The following MYH14 variants were observed in gnomAD, a reference collection of about 807,000 sequenced individuals.
MYH14 encodes myosin heavy chain 14.
In MYH14, 123 loss-of-function variants were observed where a neutral mutation model predicts 255.5. The observed-to-expected ratio is 0.48, with a 90% CI of 0.42 to 0.56. The LOEUF is 0.56. MYH14 is among the 20% of genes least tolerant of loss of function. MYH14 has a pLI of 0.00. For missense variants in MYH14, 2,423 were observed against 2,802.3 expected (o/e 0.86, Z 3.06); for synonymous variants, 1,095 against 1,161.2 (o/e 0.94, Z 1.16).
intron 8 of MYH14, among the ~76,000 whole-genome samples, chr19:50,229,307 C>T (rs1405896792): frequency 1.3e-5 from 2 of 152,130 alleles, no homozygotes; most frequent in Non-Finnish European, 2.9e-5. Context: ...ATGAGGGACA[C>T]AGAGGGGTTA....
At chr19:50,306,028 C>T (rs1371547399) in intron 40 of MYH14, among the ~76,000 whole-genome samples, 3 of 152,298 alleles carry the variant, frequency 2.0e-5, no homozygotes, top group Non-Finnish European at 2.9e-5. Flanking sequence ...CCTGTAATCC[C>T]AGCACTTTGG....
chr19:50,289,705 G>A, intron 35 of MYH14, 57 bp downstream of exon 35: 1 of 1,498,464 alleles, frequency 6.7e-7, no homozygotes, highest in Non-Finnish European at 9.0e-7. Context: ...GCCATGGTGT[G>A]TACAGGCAGC....
At chr19:50,286,357 G>A (rs2035887017) in intron 33 of MYH14, 125 bp from the exon 34 acceptor site, 4 of 959,800 alleles carry the variant, frequency 4.2e-6, no homozygotes, top group African/African-American at 1.7e-5. Flanking sequence ...TCCCTCTTGT[G>A]TCTCTGCCTT....
chr19:50,230,928 C>G lies in MYH14; in HGVS notation c.973+305C>G, dbSNP rs1448211553. 1 of 383,804 alleles carries G rather than the reference C, an allele frequency of 2.6e-6. No individual in the cohort carries two copies. The highest frequency in any genetic ancestry group is 3.2e-5 in the South Asian group (1 of 31,410). 23.8% of individuals were successfully genotyped at this position (383,804 alleles called of 1,614,324 possible). On this transcript the variant is annotated intron_variant, in intron 9 of 42. Transcript: ENST00000642316. The surrounding 1 kb of genome is among the most constrained non-coding windows in gnomAD (Gnocchi z 4.7). ...TTCCGAAGCTCCGTGGCTTCTCTCT[C>G]GCGCGGCTTCTCCTCACTCCGGCGG...
intron 17 of MYH14, 44 bp from the exon 18 acceptor site, chr19:50,257,255 G>T: frequency 6.5e-7 from 1 of 1,528,186 alleles, no homozygotes; most frequent in South Asian, 1.2e-5. Context: ...CCCTAAAACT[G>T]ACCCTGACCT....
In MYH14 at chr19:50,215,278, G is replaced by A. The variant is rs547233851; in HGVS notation, c.406-2337G>A. 6.6e-5 allele frequency among the ~76,000 whole-genome samples: 10 copies of A among 152,282 alleles called. No homozygotes were observed. The East Asian group carries it at 7.8e-4, about 12-fold the overall frequency. On this transcript the variant is annotated intron_variant, in intron 2 of 42. Transcript: ENST00000642316. ...AGCCAGGAGTGGGGGCCGGGGCGCCGGCAGCCATGAGATACCCTCCCAGGG... is the reference window on the plus strand; with the variant it reads ...AGCCAGGAGTGGGGGCCGGGGCGCCAGCAGCCATGAGATACCCTCCCAGGG...
At chr19:50,257,087 A>C (rs1203302762) in intron 17 of MYH14, among the ~76,000 whole-genome samples, 4 of 152,200 alleles carry the variant, frequency 2.6e-5, no homozygotes, top group Admixed American at 6.5e-5. Context: ...TTCAGTTTCT[A>C]AGCTGTGTGA....
chr19:50,247,825 G>C (rs1368933799), intron 12 of MYH14, among the ~76,000 whole-genome samples: 1 of 152,026 alleles, frequency 6.6e-6, no homozygotes, highest in Non-Finnish European at 1.5e-5. Flanking sequence ...CAGCTCTTTG[G>C]GAGGCTGAGG....
intron 15 of MYH14, among the ~76,000 whole-genome samples, chr19:50,251,527 C>CATATATAT (rs1568500513): frequency 2.8e-3 from 63 of 22,202 alleles, no homozygotes; most frequent in African/African-American, 7.8e-3. Flanking sequence ...ACACTACACA[C>CATATATAT]ACACACACAC....
At chr19:50,232,593 C>CAAAAAAA (rs532232129) in intron 10 of MYH14, among the ~76,000 whole-genome samples, 91 of 63,686 alleles carry the variant, frequency 1.4e-3, no homozygotes, top group Non-Finnish European at 1.7e-3. Context: ...GACTCTGTCT[C>CAAAAAAA]AAAAAAAAAA....
At position 50,230,646 on chromosome 19, in the gene MYH14, C is replaced by T; in HGVS notation, c.973+23C>T. On this transcript the variant is annotated intron_variant, in intron 9 of 42. Transcript: ENST00000642316. This position sits in a 1 kb window ranked among gnomAD's most constrained non-coding sequence, Gnocchi z 4.7. ...AAGGTCAGTGCCGCCCCGTCCTACC[C>T]TGCTCACCCGGGAGAGGGTGGGCAC... The T allele has an allele frequency of 1.3e-6, 2 of 1,549,620 alleles. No homozygotes were observed.
intron 15 of MYH14, among the ~76,000 whole-genome samples, chr19:50,251,438 A>G (rs596605): frequency 0.71 from 106,673 of 149,426 alleles, 38,320 homozygotes; most frequent in Non-Finnish European, 0.77. Flanking sequence ...CTATGAAGAC[A>G]TAAATGAAGG....
At position 50,249,886 on chromosome 19, in the gene MYH14, G is replaced by A. The variant is rs1002117511; in HGVS notation, c.1656+63G>A. The A allele has an allele frequency of 1.1e-5, 17 of 1,585,418 alleles. No individual in the cohort carries two copies. The African/African-American group carries it at 1.1e-4, about 10-fold the overall frequency. On this transcript the variant is annotated intron_variant, in intron 14 of 42. Transcript: ENST00000642316. ...CAGATCCGTCTCTCCCAGCATCTGC[G>A]AGACCAGGGTCTAGCTCCTCCTCTG...
In MYH14 at chr19:50,276,991, G is replaced by C; in HGVS notation, c.3825+90G>C. 1.0e-6 allele frequency: 1 copy of C among 981,450 alleles called. No homozygotes were observed. Among genetic ancestry groups the C allele is most frequent in the Non-Finnish European group, 1.5e-6 (1 of 662,956 alleles). The allele number at this position is 981,450 out of a possible 1,614,324, so 60.8% of individuals were successfully genotyped here. A position where few individuals can be genotyped will look rare whatever the true frequency, so the allele number is the denominator to read the frequency against. On this transcript the variant is annotated intron_variant, in intron 29 of 42. Transcript: ENST00000642316. This position sits in a 1 kb window ranked among gnomAD's most constrained non-coding sequence, Gnocchi z 4.3. The stretch of plus-strand genomic sequence containing the variant: ...GAGGAGGTACCGCTGGCTGGTTCTA[G>C]GCTAGCTCATCTCCCTGGGCCCCTT...
At chr19:50,274,448 C>G (rs1302977625) in intron 27 of MYH14, among the ~76,000 whole-genome samples, 2 of 152,162 alleles carry the variant, frequency 1.3e-5, no homozygotes, top group African/African-American at 4.8e-5. Flanking sequence ...GTGCCCACCA[C>G]CACACCCAGC....
At chr19:50,237,161 C>T (rs939251906) in intron 10 of MYH14, among the ~76,000 whole-genome samples, 1 of 152,024 alleles carries the variant, frequency 6.6e-6, no homozygotes, top group Non-Finnish European at 1.5e-5. Context: ...TTATTGTTAT[C>T]TTCTTATCAT....
Position 50,276,408 on chromosome 19 carries a change from G to A in MYH14, c.3680+205G>A, listed in dbSNP as rs1002360633. On this transcript the variant is annotated intron_variant, in intron 28 of 42. Transcript: ENST00000642316. The surrounding 1 kb of genome is among the most constrained non-coding windows in gnomAD (Gnocchi z 4.3). The stretch of plus-strand genomic sequence containing the variant: ...ACCCTTGGGAACTTCCAGTCTCAGG[G>A]GAGGCAGATTCAGGCAAAGACAATC... Among the ~76,000 whole-genome samples, 2 of 152,168 alleles carry A rather than the reference G, an allele frequency of 1.3e-5. No homozygotes were observed. Among genetic ancestry groups the A allele is most frequent in the African/African-American group, 2.4e-5 (1 of 41,426 alleles).
Position 50,210,667 on chromosome 19 carries a change from C to T in MYH14, c.302C>T (p.Pro101Leu). 2 of 1,571,330 alleles carry T rather than the reference C, an allele frequency of 1.3e-6. No homozygotes were observed. The highest frequency in any genetic ancestry group is 1.7e-6 in the Non-Finnish European group (2 of 1,159,904). Residue 101 changes from proline to leucine, a missense_variant, in exon 2 of 43, where the codon CCG becomes CTG. Pro to Leu is a moderately conservative substitution (Grantham distance 98). Coordinates refer to ENST00000642316, the MANE Select transcript of MYH14 (RefSeq NM_001145809.2). ...CGGGACCAGATCCAGCGCATGAACCCGCCCAAGTTCAGCAAGGCCGAGGAC... is the reference window on the plus strand; with the variant it reads ...CGGGACCAGATCCAGCGCATGAACCTGCCCAAGTTCAGCAAGGCCGAGGAC... ...LPRDQIQRMN[P>L]PKFSKAEDMA... is the part of the protein sequence containing the mutation.
chr19:50,217,498 G>A, intron 2 of MYH14, 117 bp from the exon 3 acceptor site: 2 of 1,111,810 alleles, frequency 1.8e-6, no homozygotes, highest in Non-Finnish European at 2.8e-6. Flanking sequence ...TTATGGTGTA[G>A]ACATACCATG....
Sources: allele counts gnomAD v4.1 joint callset (sites outside exome capture counted in the v4.1 genomes callset), GRCh38; gene constraint gnomAD v4.1.1; non-coding constraint Gnocchi (gnomAD v3.1); transcripts MANE v1.5; gene names NCBI Gene and HGNC (gene_info 2026-07-23, HGNC 2026-07-21).